PTPRD: variants seen among roughly 807,000 people sequenced by gnomAD.
PTPRD encodes the protein receptor-type tyrosine-protein phosphatase delta.
In PTPRD, 34 loss-of-function variants were observed where a neutral mutation model predicts 214.5. That is an observed-to-expected ratio of 0.16 (90% CI 0.12 to 0.21). The LOEUF is 0.21. Among genes scored for constraint, PTPRD ranks in the 10% least tolerant of loss-of-function variants. The probability of loss-of-function intolerance (pLI) is 1.00; values close to 1 mark genes in which losing one functional copy is unlikely to be tolerated. For missense variants in PTPRD, 2,545 were observed against 2,398.7 expected (o/e 1.06, Z -1.27); for synonymous variants, 1,128 against 845.7 (o/e 1.33, Z -5.79).
At chr9:10,178,786 T>C (rs1414658787) in intron 3 of PTPRD, among the ~76,000 whole-genome samples, 5 of 151,936 alleles carry the variant, frequency 3.3e-5, no homozygotes, top group Non-Finnish European at 5.9e-5. Context: ...TCTTACTCAC[T>C]AGATGTGAGG....
At chr9:9,227,723 A>C (rs550040429) in intron 9 of PTPRD, among the ~76,000 whole-genome samples, 1 of 152,186 alleles carries the variant, frequency 6.6e-6, no homozygotes, top group Non-Finnish European at 1.5e-5. Flanking sequence ...ATGGTAGGAA[A>C]CTCAGGCCTC....
At chr9:10,593,322 T>C (rs2075947898) in intron 2 of PTPRD, among the ~76,000 whole-genome samples, 3 of 151,968 alleles carry the variant, frequency 2.0e-5, no homozygotes, top group African/African-American at 4.8e-5. Flanking sequence ...TAAACTATAA[T>C]TTGAGTAATA....
chr9:9,546,904 T>C (rs2078930275), intron 8 of PTPRD, among the ~76,000 whole-genome samples: 1 of 151,790 alleles, frequency 6.6e-6, no homozygotes, highest in Admixed American at 6.6e-5. Flanking sequence ...GGAACCCTAT[T>C]ACATGGGTAG....
Position 9,135,110 on chromosome 9 carries a change from T to G in PTPRD, c.-143+48194A>C, listed in dbSNP as rs145807894. On this transcript the variant is annotated intron_variant, in intron 10 of 45. Coordinates refer to ENST00000381196, the MANE Select transcript of PTPRD (RefSeq NM_002839.4). ...ATAAATTCCTTGAGGTAAAGGGTAG[T>G]GAGTTGTGTCTGGAATTATAACTTT... Among the ~76,000 whole-genome samples the G allele has an allele frequency of 6.0e-3, 916 of 152,312 alleles. 10 individuals carry two copies. Among genetic ancestry groups the G allele is most frequent in the African/African-American group, 0.021 (877 of 41,576 alleles).
At chr9:8,376,475 A>G in intron 38 of PTPRD, 132 bp downstream of exon 38, 14 of 1,308,944 alleles carry the variant, frequency 1.1e-5, no homozygotes, top group Non-Finnish European at 1.5e-5. Flanking sequence ...ATAATGGAAG[A>G]TCTATTTCAT....
intron 9 of PTPRD, among the ~76,000 whole-genome samples, chr9:9,386,303 C>T (rs1165326326): frequency 6.6e-6 from 1 of 152,070 alleles, no homozygotes; most frequent in African/African-American, 2.4e-5. Context: ...GGGTTGCTGA[C>T]CTGCTAAAAT....
intron 11 of PTPRD, among the ~76,000 whole-genome samples, chr9:8,953,508 A>G (rs2099114794): frequency 6.6e-6 from 1 of 152,030 alleles, no homozygotes; most frequent in Non-Finnish European, 1.5e-5. Flanking sequence ...GTGGGGACCT[A>G]ATTAAAGAGC....
intron 2 of PTPRD, among the ~76,000 whole-genome samples, chr9:10,493,210 G>A (rs777474002): frequency 2.0e-5 from 3 of 152,006 alleles, no homozygotes; most frequent in Non-Finnish European, 4.4e-5. Context: ...TCCCCATCAA[G>A]CTACCATTGA....
At chr9:8,467,703 A>G (rs2096571075) in intron 31 of PTPRD, among the ~76,000 whole-genome samples, 1 of 152,116 alleles carries the variant, frequency 6.6e-6, no homozygotes, top group South Asian at 2.1e-4. Context: ...GTATTTATAC[A>G]TATAATTTTT....
chr9:10,130,140 C>G (rs2098848487), intron 3 of PTPRD, among the ~76,000 whole-genome samples: 1 of 150,942 alleles, frequency 6.6e-6, no homozygotes, highest in South Asian at 2.1e-4. Context: ...TTTAGACTAG[C>G]ACTAACAGTT....
chr9:9,610,973 A>G (rs1489542510), intron 7 of PTPRD, among the ~76,000 whole-genome samples: 1 of 152,194 alleles, frequency 6.6e-6, no homozygotes. Flanking sequence ...ACAAGCAATT[A>G]GGCACTCAAC....
At chr9:8,464,457 TTG>T (rs1344723329) in intron 32 of PTPRD, among the ~76,000 whole-genome samples, 3 of 151,912 alleles carry the variant, frequency 2.0e-5, no homozygotes, top group African/African-American at 2.4e-5. Flanking sequence ...GAGGCTGCCT[TTG>T]TGTTTTGATT....
rs1378467412 is a variant in PTPRD at position 8,636,788 on chromosome 9, C to A, written c.121G>T (p.Ala41Ser). The A allele has an allele frequency of 6.2e-7, 1 of 1,614,036 alleles. No individual in the cohort carries two copies. Among genetic ancestry groups the A allele is most frequent in the Non-Finnish European group, 8.5e-7 (1 of 1,179,950 alleles). Residue 41 changes from alanine to serine, a missense_variant, in exon 13 of 46, where the codon GCC (alanine) becomes TCC (serine). By Grantham distance (99) the Ala-to-Ser change is moderately conservative. Transcript: ENST00000381196. ...VDQTGVSGGV[A>S]SFICQATGDP... ...CCCGTAGCTTGGCAGATGAAAGAGG[C>A]AACTCCGCCAGAGACCCCTGTCTGA...
chr9:9,492,992 CCACTAATTGGCCATTCTCCCAT>C (rs2095988239), intron 8 of PTPRD, among the ~76,000 whole-genome samples: 1 of 146,744 alleles, frequency 6.8e-6, no homozygotes, highest in Non-Finnish European at 1.5e-5. Context: ...TCTGACTGCT[CCACTAATTGGCCATTCTCCCAT>C]CACTCTCCCT....
At chr9:10,105,374 A>C (rs1433515277) in intron 3 of PTPRD, among the ~76,000 whole-genome samples, 1 of 151,858 alleles carries the variant, frequency 6.6e-6, no homozygotes, top group East Asian at 1.9e-4. Flanking sequence ...ATAATTTTTA[A>C]TAAGAATAGT....
rs753661872 is a variant in PTPRD, at chr9:8,449,812, T to G, written c.3901A>C (p.Lys1301Gln). Residue 1301 changes from lysine to glutamine, a missense_variant, in exon 34 of 46, where the codon AAA (lysine) becomes CAA (glutamine). Transcript: ENST00000381196. The part of the protein sequence containing the change: ...KRKRAESDSR[K>Q]SSIPNNKEIP... Reference sequence around the variant, plus strand: ...TCCTTATTGTTCGGTATGCTGCTTTTTCTAGAGTCGGACTCTGCCCTCTTC... The same window carrying G: ...TCCTTATTGTTCGGTATGCTGCTTTGTCTAGAGTCGGACTCTGCCCTCTTC... 1.9e-6 allele frequency: 3 copies of G among 1,613,954 alleles called. No homozygotes were observed. In the East Asian group the frequency reaches 6.7e-5, roughly 36 times the overall value.
At chr9:9,011,767 T>A (rs571593403) in intron 11 of PTPRD, among the ~76,000 whole-genome samples, 1 of 152,288 alleles carries the variant, frequency 6.6e-6, no homozygotes, top group Admixed American at 6.5e-5. Flanking sequence ...GATTTTCAAT[T>A]CTAGTTCAAA....
intron 10 of PTPRD, among the ~76,000 whole-genome samples, chr9:9,148,102 A>T (rs1053717948): frequency 6.6e-6 from 1 of 152,230 alleles, no homozygotes; most frequent in Admixed American, 6.5e-5. Context: ...ATTTGCAAGA[A>T]AAACATACAA....
chr9:9,619,767 A>G (rs909913128), intron 7 of PTPRD, among the ~76,000 whole-genome samples: 1 of 146,464 alleles, frequency 6.8e-6, no homozygotes, highest in South Asian at 2.1e-4. Flanking sequence ...TATATAATCT[A>G]TATAAGTATA....
Sources: allele counts gnomAD v4.1 joint callset (sites outside exome capture counted in the v4.1 genomes callset), GRCh38; gene constraint gnomAD v4.1.1; transcripts MANE v1.5; gene names NCBI Gene and HGNC (gene_info 2026-07-23, HGNC 2026-07-21).